PLEKHG7: variants seen among roughly 807,000 people sequenced by gnomAD.
The protein encoded by PLEKHG7 is pleckstrin homology and RhoGEF domain containing G7.
Under a neutral mutation model 85.2 loss-of-function variants are expected in PLEKHG7, and 77 were observed. The ratio of observed to expected loss-of-function variants is 0.90; its 90% CI spans 0.75 to 1.09. The LOEUF (loss-of-function observed/expected upper bound fraction) is 1.09. Ranked by LOEUF, PLEKHG7 falls within the 50% of genes least tolerant of loss-of-function variation. The pLI is 0.00. For missense variants in PLEKHG7, 777 were observed against 804.3 expected (o/e 0.97, Z 0.41); for synonymous variants, 301 against 302.4 (o/e 1.00, Z 0.05).
intron 5 of PLEKHG7, among the ~76,000 whole-genome samples, chr12:92,733,768 A>C (rs1872059917): frequency 1.3e-5 from 2 of 152,226 alleles, no homozygotes; most frequent in South Asian, 4.1e-4. Flanking sequence ...GAACTTGGCC[A>C]AGGAAGGGAC....
At chr12:92,731,312 G>C (rs1309155863) in intron 4 of PLEKHG7, among the ~76,000 whole-genome samples, 1 of 152,212 alleles carries the variant, frequency 6.6e-6, no homozygotes, top group Non-Finnish European at 1.5e-5. Flanking sequence ...AAATGAATGA[G>C]AGGATAATCT....
chr12:92,744,468 G>A (rs564663168), intron 9 of PLEKHG7, among the ~76,000 whole-genome samples: 1 of 152,200 alleles, frequency 6.6e-6, no homozygotes. Context: ...ATGAATATAT[G>A]TATATATAAA....
At position 92,772,259 on chromosome 12, in the gene PLEKHG7, A is replaced by AT. The variant is rs911603925; in HGVS notation, c.*2070dup. 1.3e-5 allele frequency: 2 copies of AT among 151,888 alleles called. No individual in the cohort carries two copies. Among genetic ancestry groups the AT allele is most frequent in the African/African-American group, 4.8e-5 (2 of 41,398 alleles). The allele number at this position is 151,888 out of a possible 1,614,324, so 9.4% of individuals were successfully genotyped here. A position where few individuals can be genotyped will look rare whatever the true frequency, so the allele number is the denominator to read the frequency against. On this transcript the variant is annotated 3_prime_UTR_variant, in exon 17 of 17. Coordinates refer to ENST00000344636, the MANE Select transcript of PLEKHG7 (RefSeq NM_001377329.1). ...CAATGAAATAAGGGGTTAATTACAT[A>AT]TTTTTTATATTTGTTTTTAGTTTTG...
intron 2 of PLEKHG7, chr12:92,707,364 T>C: frequency 7.0e-7 from 1 of 1,429,252 alleles, no homozygotes; most frequent in Non-Finnish European, 9.1e-7. Context: ...CTTCTGTCCT[T>C]AGAGGCACTT....
intron 1 of PLEKHG7, among the ~76,000 whole-genome samples, chr12:92,704,680 T>C (rs1199893940): frequency 2.6e-5 from 4 of 152,240 alleles, no homozygotes; most frequent in Non-Finnish European, 4.4e-5. Flanking sequence ...TTAGTTTGCA[T>C]CTAAGTTGTT....
rs901865606 is a variant in PLEKHG7, at chr12:92,706,265, A to T, written c.-161-206A>T. 2.6e-5 allele frequency among the ~76,000 whole-genome samples: 4 copies of T among 152,366 alleles called. No individual in the cohort carries two copies. In the South Asian group the frequency reaches 8.3e-4, roughly 32 times the overall value. On this transcript the variant is annotated intron_variant, in intron 1 of 16. Transcript: ENST00000344636. Reference sequence around the variant, plus strand: ...AACCTAGAAGGAATATTAAGTAGACAGTAAACAGACTTCAATACGCTATTT... The same window carrying T: ...AACCTAGAAGGAATATTAAGTAGACTGTAAACAGACTTCAATACGCTATTT...
rs1873449622 is a variant in PLEKHG7 at position 92,772,018 on chromosome 12, G to A, written c.*1823G>A. The A allele has an allele frequency of 6.6e-6, 1 of 151,832 alleles. No homozygotes were observed. Among genetic ancestry groups the A allele is most frequent in the African/African-American group, 2.4e-5 (1 of 41,378 alleles). 9.4% of individuals were successfully genotyped at this position (151,832 alleles called of 1,614,324 possible). On this transcript the variant is annotated 3_prime_UTR_variant, in exon 17 of 17. Transcript: ENST00000344636. ...CACATTAAACTCTTTGGAGGGTTTA[G>A]AATGAAGCACATTCGAATGAAGGGA...
intron 3 of PLEKHG7, among the ~76,000 whole-genome samples, chr12:92,727,430 C>T (rs1389020339): frequency 2.6e-5 from 4 of 152,092 alleles, no homozygotes; most frequent in Non-Finnish European, 5.9e-5. Context: ...CCCCTCCCCA[C>T]TTTTGGAGTC....
intron 3 of PLEKHG7, among the ~76,000 whole-genome samples, chr12:92,725,968 T>C (rs1326415965): frequency 6.6e-6 from 1 of 152,122 alleles, no homozygotes; most frequent in African/African-American, 2.4e-5. Context: ...ACGGTGGGAC[T>C]TGGGGATGAG....
intron 14 of PLEKHG7, 108 bp from the exon 15 acceptor site, chr12:92,763,933 G>A (rs1274454780): frequency 2.2e-6 from 2 of 928,872 alleles, no homozygotes; most frequent in Admixed American, 6.4e-5. Context: ...GGCAATAATA[G>A]TTTTTAGGCA....
intron 3 of PLEKHG7, among the ~76,000 whole-genome samples, chr12:92,710,160 C>T (rs1871339973): frequency 6.6e-6 from 1 of 152,108 alleles, no homozygotes; most frequent in Non-Finnish European, 1.5e-5. Context: ...GACTTCCACC[C>T]CTTGATTCCT....
At chr12:92,711,521 C>T (rs902375735) in intron 3 of PLEKHG7, among the ~76,000 whole-genome samples, 41 of 152,154 alleles carry the variant, frequency 2.7e-4, no homozygotes, top group Non-Finnish European at 5.1e-4. Context: ...TCAGAAAGCA[C>T]CCAGTTCATG....
intron 16 of PLEKHG7, 52 bp from the exon 17 acceptor site, chr12:92,770,036 T>TC: frequency 8.3e-7 from 1 of 1,204,390 alleles, no homozygotes; most frequent in East Asian, 2.5e-5. Context: ...TGAGAAATTG[T>TC]CAGCTTAACA....
rs767193538 is a variant in PLEKHG7, at chr12:92,764,113, G to T, written c.1789G>T (p.Gly597Cys). 6.2e-7 allele frequency: 1 copy of T among 1,612,888 alleles called. No individual in the cohort carries two copies. The highest frequency in any genetic ancestry group is 8.5e-7 in the Non-Finnish European group (1 of 1,179,310). The part of the protein sequence containing the change: ...TPELQAVIKE[G>C]GSCTVLDQPI... Reference sequence around the variant, plus strand: ...TGAGTTGCAAGCAGTAATAAAAGAGGGTGGTTCGTGTACAGTACTCGATCA... The same window carrying T: ...TGAGTTGCAAGCAGTAATAAAAGAGTGTGGTTCGTGTACAGTACTCGATCA... The change falls in exon 15 of 17, where the codon GGT becomes TGT. Residue 597 changes from glycine to cysteine, a missense_variant. Physicochemically the swap from Gly to Cys is radical, Grantham distance 159 (BLOSUM62 -3). Around this residue, in one of 3 missense-constraint regions of PLEKHG7, gnomAD observed 520 missense variants for 544.0 expected, o/e 0.96. Transcript: ENST00000344636.
At chr12:92,713,561 C>T (rs951601702) in intron 3 of PLEKHG7, among the ~76,000 whole-genome samples, 7 of 152,186 alleles carry the variant, frequency 4.6e-5, no homozygotes, top group African/African-American at 1.7e-4. Context: ...TGAGTGACTG[C>T]AGTTCCCACT....
At chr12:92,707,787 T>C in intron 3 of PLEKHG7, 115 bp downstream of exon 3, 3 of 1,553,870 alleles carry the variant, frequency 1.9e-6, no homozygotes, top group Non-Finnish European at 2.6e-6. Flanking sequence ...GTGCACTTTG[T>C]TTTATAGCAC....
intron 13 of PLEKHG7, among the ~76,000 whole-genome samples, chr12:92,756,888 G>T (rs1450306677): frequency 2.0e-5 from 3 of 152,158 alleles, no homozygotes; most frequent in African/African-American, 7.2e-5. Context: ...AGACCTTCAG[G>T]ATAAGTTCAG....
chr12:92,720,720 T>C (rs1435691731), intron 3 of PLEKHG7, among the ~76,000 whole-genome samples: 4 of 152,210 alleles, frequency 2.6e-5, no homozygotes, highest in African/African-American at 9.7e-5. Flanking sequence ...AATTTAATCA[T>C]ATCTACTAAG....
chr12:92,727,298 A>G (rs1758358538), intron 3 of PLEKHG7, among the ~76,000 whole-genome samples: 1 of 152,162 alleles, frequency 6.6e-6, no homozygotes, highest in South Asian at 2.1e-4. Flanking sequence ...GTACATGTGC[A>G]TATTTGTTCC....
Sources: allele counts gnomAD v4.1 joint callset (sites outside exome capture counted in the v4.1 genomes callset), GRCh38; gene constraint gnomAD v4.1.1; regional missense constraint gnomAD v4.1.1; transcripts MANE v1.5; gene names NCBI Gene and HGNC (gene_info 2026-07-23, HGNC 2026-07-21).